Variants in STARD10 observed in about 807,000 individuals in gnomAD.
STARD10 encodes the protein StAR related lipid transfer domain containing 10, also known as START domain-containing protein 10.
Under a neutral mutation model 36.0 loss-of-function variants are expected in STARD10, and 24 were observed. The observed-to-expected ratio is 0.67, with a 90% CI of 0.48 to 0.94. The LOEUF (loss-of-function observed/expected upper bound fraction) is 0.94, where lower values mean the gene tolerates loss of function less well. Ranked by LOEUF, STARD10 falls within the 40% of genes least tolerant of loss-of-function variation. The probability of loss-of-function intolerance (pLI) is 0.00; values close to 1 mark genes in which losing one functional copy is unlikely to be tolerated. For synonymous variants in STARD10, 156 were observed against 161.9 expected (o/e 0.96, Z 0.28); for missense variants, 335 against 396.6 (o/e 0.84, Z 1.32).
intron 1 of STARD10, among the ~76,000 whole-genome samples, chr11:72,786,213 G>C (rs1312944178): frequency 6.6e-6 from 1 of 152,194 alleles, no homozygotes; most frequent in Non-Finnish European, 1.5e-5. Context: ...TTAGCTGGGC[G>C]TGGTGGTGCA....
rs1216235225 is a variant in STARD10 at position 72,755,681 on chromosome 11, A to C, written c.630+20T>G. On this transcript the variant is annotated intron_variant, in intron 6 of 6. Coordinates refer to ENST00000334805, the MANE Select transcript of STARD10 (RefSeq NM_006645.3). ...TTTCCAGTCTTCAACACCCCTCCCCAAAATCCCAAGGCCACTCACCTTGGG... is the reference window on the plus strand; with the variant it reads ...TTTCCAGTCTTCAACACCCCTCCCCCAAATCCCAAGGCCACTCACCTTGGG... 1.2e-6 allele frequency: 2 copies of C among 1,612,904 alleles called. No homozygotes were observed. The highest frequency in any genetic ancestry group is 1.7e-6 in the Non-Finnish European group (2 of 1,179,296).
intron 4 of STARD10, among the ~76,000 whole-genome samples, chr11:72,758,198 G>A (rs563654193): frequency 1.3e-5 from 2 of 152,268 alleles, no homozygotes; most frequent in South Asian, 2.1e-4. Flanking sequence ...GCCTGTCCTT[G>A]CCCAGGGAGA....
intron 2 of STARD10, among the ~76,000 whole-genome samples, chr11:72,760,559 A>C (rs943207579): frequency 3.9e-5 from 6 of 152,188 alleles, no homozygotes; most frequent in African/African-American, 1.4e-4. Flanking sequence ...CTTGCCCTCA[A>C]AGAGCTTTCC....
intron 4 of STARD10, 112 bp from the exon 5 acceptor site, chr11:72,757,996 C>T (rs1008777054): frequency 1.9e-5 from 18 of 938,850 alleles, no homozygotes; most frequent in Non-Finnish European, 2.6e-5. Flanking sequence ...ATTCACATGC[C>T]GTGACATCTG....
chr11:72,755,276 C>CAGGGAGGGCAAG, intron 6 of STARD10, 134 bp from the exon 7 acceptor site: 1 of 992,686 alleles, frequency 1.0e-6, no homozygotes, highest in Non-Finnish European at 1.4e-6. Flanking sequence ...CCTACTTGCC[C>CAGGGAGGGCAAG]TCCCTGGGCC....
chr11:72,762,865 G>C (rs142453104), intron 2 of STARD10, among the ~76,000 whole-genome samples: 89 of 152,260 alleles, frequency 5.8e-4, no homozygotes, highest in Non-Finnish European at 1.1e-3. Flanking sequence ...CAGTCTCCGT[G>C]GTGTGGTATA....
At chr11:72,769,410 T>C (rs67868798) in intron 2 of STARD10, among the ~76,000 whole-genome samples, 21,392 of 152,142 alleles carry the variant, frequency 0.14, 2,139 homozygotes, top group African/African-American at 0.28. Context: ...ATAAGAATGA[T>C]TTAAAAAGAA....
Position 72,781,787 on chromosome 11 carries a change from GC to G in STARD10, c.-113-494del. On this transcript the variant is annotated intron_variant, in intron 1 of 6. Coordinates refer to ENST00000334805, the MANE Select transcript of STARD10 (RefSeq NM_006645.3). This position sits in a 1 kb window ranked among gnomAD's most constrained non-coding sequence, Gnocchi z 4.7. ...GAGGAGCAGTGGGTCCCGCCGCCCG[GC>G]CCCGCCCCGGGCCCCAGCCCCGCGC... is the stretch of plus-strand genomic sequence containing the variant. 1 of 149,208 alleles carries G rather than the reference GC, an allele frequency of 6.7e-6. No individual in the cohort carries two copies. Among genetic ancestry groups the G allele is most frequent in the Non-Finnish European group, 1.5e-5 (1 of 67,098 alleles). The allele number at this position is 149,208 out of a possible 1,614,324, so 9.2% of individuals were successfully genotyped here.
chr11:72,755,817 C>A, intron 5 of STARD10, 64 bp from the exon 6 acceptor site: 5 of 1,482,264 alleles, frequency 3.4e-6, no homozygotes, highest in Non-Finnish European at 3.7e-6. Flanking sequence ...CTGACAAAAG[C>A]CCCACCCTCT....
At chr11:72,778,585 C>A (rs1858954685) in intron 2 of STARD10, among the ~76,000 whole-genome samples, 1 of 152,194 alleles carries the variant, frequency 6.6e-6, no homozygotes, top group Non-Finnish European at 1.5e-5. Context: ...TGGGTCTGGG[C>A]TCTGCTCACC....
chr11:72,793,850 G>A lies in STARD10; in HGVS notation c.-1089C>T, dbSNP rs1859182618. 1 of 152,270 alleles carries A rather than the reference G, an allele frequency of 6.6e-6. No homozygotes were observed. Among genetic ancestry groups the A allele is most frequent in the African/African-American group, 2.4e-5 (1 of 41,466 alleles). 9.4% of individuals were successfully genotyped at this position (152,270 alleles called of 1,614,324 possible). On this transcript the variant is annotated 5_prime_UTR_variant, in exon 1 of 7. Transcript: ENST00000334805. ...GCCCCCTAGTGGTTGTGGCCGCTCT[G>A]TCACCACGGCTCCCGGGGCCTCTGT...
chr11:72,755,224 C>T (rs1285075928), intron 6 of STARD10, 82 bp from the exon 7 acceptor site: 1 of 1,479,992 alleles, frequency 6.8e-7, no homozygotes, highest in African/African-American at 1.4e-5. Flanking sequence ...GCTCAGCCCC[C>T]AGCATCCTGA....
Position 72,781,616 on chromosome 11 carries a change from G to C in STARD10, c.-113-322C>G. 1 of 151,092 alleles carries C rather than the reference G, an allele frequency of 6.6e-6. No individual in the cohort carries two copies. Among genetic ancestry groups the C allele is most frequent in the Admixed American group, 6.6e-5 (1 of 15,158 alleles). 9.4% of individuals were successfully genotyped at this position (151,092 alleles called of 1,614,324 possible). ...CTCGCAGCGACGCCGGGCGGGCGCG[G>C]GGCGGGTGGCGGGGCAGGAGGGGCG... is the stretch of plus-strand genomic sequence containing the variant. On this transcript the variant is annotated intron_variant, in intron 1 of 6. Transcript: ENST00000334805. The surrounding 1 kb of genome is among the most constrained non-coding windows in gnomAD (Gnocchi z 4.7).
rs1354886977 is a variant in STARD10 at position 72,780,995 on chromosome 11, G to A, written c.187C>T (p.Arg63Trp). ...SVWVQAVEMD[R>W]TLHKIKCRME... ...CCTACCTTGATCTTGTGCAGCGTCC[G>A]ATCCATCTCCACAGCCTGCACCCAG... is the stretch of plus-strand genomic sequence containing the variant. Residue 63 changes from arginine to tryptophan, a missense_variant, in exon 2 of 7, where the codon CGG becomes TGG. Coordinates refer to ENST00000334805, the MANE Select transcript of STARD10 (RefSeq NM_006645.3). 6.2e-7 allele frequency: 1 copy of A among 1,614,156 alleles called. No individual in the cohort carries two copies. The highest frequency in any genetic ancestry group is 1.7e-5 in the Admixed American group (1 of 60,028).
At chr11:72,763,084 C>T (rs1448427726) in intron 2 of STARD10, among the ~76,000 whole-genome samples, 2 of 152,250 alleles carry the variant, frequency 1.3e-5, no homozygotes, top group African/African-American at 2.4e-5. Context: ...CAAGGTTTAC[C>T]GAGGACTTCC....
chr11:72,778,416 G>C (rs966612087), intron 2 of STARD10, among the ~76,000 whole-genome samples: 2 of 152,220 alleles, frequency 1.3e-5, no homozygotes, highest in Non-Finnish European at 2.9e-5. Flanking sequence ...TCAGAAATGG[G>C]ATTATCTGCA....
At chr11:72,770,379 G>A (rs1170151524) in intron 2 of STARD10, among the ~76,000 whole-genome samples, 2 of 152,064 alleles carry the variant, frequency 1.3e-5, no homozygotes, top group Admixed American at 6.5e-5. Context: ...CATCGCGCCC[G>A]GCTAATTTTT....
rs1359878104 is a variant in STARD10 at position 72,793,634 on chromosome 11, G to A, written c.-873C>T. ...AGGACCACAGAACGATGACTGGACC[G>A]TTAGGTTACTATTTATTACGGTTAT... On this transcript the variant is annotated 5_prime_UTR_variant, in exon 1 of 7. It adds an upstream start codon to the 5' untranslated region. Coordinates refer to ENST00000334805, the MANE Select transcript of STARD10 (RefSeq NM_006645.3). 6.6e-6 allele frequency: 1 copy of A among 152,278 alleles called. No individual in the cohort carries two copies. Among genetic ancestry groups the A allele is most frequent in the South Asian group, 2.1e-4 (1 of 4,838 alleles). The allele number at this position is 152,278 out of a possible 1,614,324, so 9.4% of individuals were successfully genotyped here.
chr11:72,755,062 C>T lies in STARD10; in HGVS notation c.711G>A (p.Leu237=). 2 of 1,613,194 alleles carry T rather than the reference C, an allele frequency of 1.2e-6. 1 individual carries two copies. Among genetic ancestry groups the T allele is most frequent in the East Asian group, 4.5e-5 (2 of 44,854 alleles). Residue 237 remains leucine, a synonymous_variant, in exon 7 of 7, where the codon CTG becomes CTA. Coordinates refer to ENST00000334805, the MANE Select transcript of STARD10 (RefSeq NM_006645.3). ...TCGGCAACGGGCTCTGCTCCGGGTGCAGCCACGGCTTGAAGTGAGGCAGGT... is the reference window on the plus strand; with the variant it reads ...TCGGCAACGGGCTCTGCTCCGGGTGTAGCCACGGCTTGAAGTGAGGCAGGT... ...QKHLPHFKPW[L]HPEQSPLPSL...
Sources: gnomAD v4.1 joint callset for allele counts (sites outside exome capture counted in the v4.1 genomes callset) on GRCh38, gnomAD v4.1.1 for gene constraint, Gnocchi (gnomAD v3.1) non-coding constraint, MANE v1.5 for transcripts, NCBI Gene and HGNC (gene_info 2026-07-23, HGNC 2026-07-21) for gene names.